YIPF2: variants seen among roughly 807,000 people sequenced by gnomAD.
YIPF2 encodes the protein protein YIPF2.
A neutral mutation model predicts 38.8 loss-of-function variants in YIPF2; 30 were observed. That is an observed-to-expected ratio of 0.77 (90% CI 0.58 to 1.05). The LOEUF is 1.05. Ranked by LOEUF, YIPF2 falls within the 50% of genes least tolerant of loss-of-function variation. The probability of loss-of-function intolerance (pLI) is 0.00; values close to 1 mark genes in which losing one functional copy is unlikely to be tolerated. For synonymous variants in YIPF2, 194 were observed against 183.8 expected (o/e 1.06, Z -0.45); for missense variants, 401 against 409.7 (o/e 0.98, Z 0.18).
At chr19:10,926,376 A>G (rs1599725909) in intron 4 of YIPF2, among the ~76,000 whole-genome samples, 1 of 150,808 alleles carries the variant, frequency 6.6e-6, no homozygotes, top group African/African-American at 2.4e-5. Context: ...ACAGGCGCCC[A>G]CCACCACCCC....
At chr19:10,927,604 C>T in intron 4 of YIPF2, 26 bp downstream of exon 4, 3 of 1,611,614 alleles carry the variant, frequency 1.9e-6, no homozygotes, top group Non-Finnish European at 2.5e-6. Context: ...CTCTGAGCCC[C>T]ATCCCACCTG....
chr19:10,928,489 G>A, intron 1 of YIPF2, 22 bp downstream of exon 1: 1 of 1,346,640 alleles, frequency 7.4e-7, no homozygotes. Flanking sequence ...CCCCGAGCCG[G>A]TCCCTCGGCC....
rs569010084 is a variant in YIPF2, at chr19:10,923,032, A to G, written c.*162T>C. The G allele has an allele frequency of 1.2e-4, 49 of 394,324 alleles. No individual in the cohort carries two copies. Among genetic ancestry groups the G allele is most frequent in the Admixed American group, 4.7e-4 (10 of 21,264 alleles). The allele number at this position is 394,324 out of a possible 1,614,324, so 24.4% of individuals were successfully genotyped here. A position where few individuals can be genotyped will look rare whatever the true frequency, so the allele number is the denominator to read the frequency against. On this transcript the variant is annotated 3_prime_UTR_variant, in exon 10 of 10. Coordinates refer to ENST00000586748, the MANE Select transcript of YIPF2 (RefSeq NM_001321439.2). Reference sequence around the variant, plus strand: ...GCCCGCCTTTATATAAATTCTCTGAATCACCTTTGCATAGAAAATAAAAGT... The same window carrying G: ...GCCCGCCTTTATATAAATTCTCTGAGTCACCTTTGCATAGAAAATAAAAGT...
In YIPF2 at chr19:10,928,606, T is replaced by G. The variant is rs2083464142; in HGVS notation, c.-126A>C. ...TCACCTGAGGCCACCTGGGCCGGCG[T>G]GGCTGGGGCTCTCTGCGCCTGCGCG... is the stretch of plus-strand genomic sequence containing the variant. On this transcript the variant is annotated 5_prime_UTR_variant, in exon 1 of 10. Coordinates refer to ENST00000586748, the MANE Select transcript of YIPF2 (RefSeq NM_001321439.2). The G allele has an allele frequency of 2.2e-6, 2 of 897,320 alleles. No homozygotes were observed. Among genetic ancestry groups the G allele is most frequent in the African/African-American group, 1.8e-5 (1 of 55,940 alleles). 55.6% of individuals were successfully genotyped at this position (897,320 alleles called of 1,614,324 possible).
rs769595485 is a variant in YIPF2 at position 10,924,059 on chromosome 19, C to A, written c.484+17G>T. On this transcript the variant is annotated intron_variant, in intron 6 of 9. Coordinates refer to ENST00000586748, the MANE Select transcript of YIPF2 (RefSeq NM_001321439.2). ...CCCCAGGGCCCTGCCAGGCATTGGG[C>A]CTGCCCGTCTGCTTACCCTTGTGGA... is the stretch of plus-strand genomic sequence containing the variant. 9.3e-6 allele frequency: 15 copies of A among 1,613,128 alleles called. No homozygotes were observed. Among genetic ancestry groups the A allele is most frequent in the Non-Finnish European group, 1.2e-5 (14 of 1,179,594 alleles).
At chr19:10,923,793 CCA>C (rs1295415262) in intron 7 of YIPF2, 38 bp downstream of exon 7, 1 of 1,599,050 alleles carries the variant, frequency 6.3e-7, no homozygotes, top group South Asian at 1.1e-5. Context: ...GCCAGTGTCC[CCA>C]CACAGCCACC....
At chr19:10,927,120 A>T (rs1023638595) in intron 4 of YIPF2, among the ~76,000 whole-genome samples, 1 of 151,930 alleles carries the variant, frequency 6.6e-6, no homozygotes, top group Non-Finnish European at 1.5e-5. Flanking sequence ...TGATCCACCC[A>T]CCCAGGCCTC....
chr19:10,923,282 C>T lies in YIPF2; in HGVS notation c.*9G>A, dbSNP rs376581863. ...GGGAATAGTCCTTACCTGTGGGACC[C>T]GGGCCTTCCTAGGAGGGGGCCAGGG... On this transcript the variant is annotated 3_prime_UTR_variant, in exon 9 of 10. Transcript: ENST00000586748. 106 of 1,604,672 alleles carry T rather than the reference C, an allele frequency of 6.6e-5. 1 individual carries two copies. In the Middle Eastern group the frequency reaches 6.7e-4, roughly 10 times the overall value.
chr19:10,924,177 C>T lies in YIPF2; in HGVS notation c.383G>A (p.Cys128Tyr), dbSNP rs775072304. The change falls in exon 6 of 10, where the codon TGT (cysteine) becomes TAT (tyrosine). Residue 128 changes from cysteine to tyrosine, a missense_variant. Coordinates refer to ENST00000586748, the MANE Select transcript of YIPF2 (RefSeq NM_001321439.2). ...RPDLYGPFWI[C>Y]ATLAFVLAVT... ...GGCCAGGACAAAGGCCAACGTGGCA[C>T]AGATCCAGAAGGGGCCTGGGGGTAG... 18 of 1,612,176 alleles carry T rather than the reference C, an allele frequency of 1.1e-5. 1 individual carries two copies. The highest frequency in any genetic ancestry group is 2.7e-5 in the African/African-American group (2 of 74,900).
Position 10,923,672 on chromosome 19 carries a change from C to T in YIPF2, c.657G>A (p.Leu219=), listed in dbSNP as rs1177673637. 2 of 1,607,638 alleles carry T rather than the reference C, an allele frequency of 1.2e-6. No individual in the cohort carries two copies. Among genetic ancestry groups the T allele is most frequent in the Admixed American group, 1.7e-5 (1 of 59,610 alleles). ...GCAGCCAAGGCACAGGGATGAGCCA[C>T]AGGACCTGGGAGCAACACGGCGGCA... is the stretch of plus-strand genomic sequence containing the variant. The part of the protein sequence containing the change: ...SLFVFIPMVV[L]WLIPVPWLQW... Residue 219 remains leucine, a synonymous_variant, in exon 8 of 10, where the codon CTG becomes CTA. Transcript: ENST00000586748.
At position 10,923,307 on chromosome 19, in the gene YIPF2, G is replaced by A. The variant is rs1183698859; in HGVS notation, c.935C>T (p.Ser312Phe). The change falls in exon 9 of 10, where the codon TCC (serine) becomes TTC (phenylalanine). Residue 312 changes from serine to phenylalanine, a missense_variant. Ser to Phe is a radical substitution (Grantham distance 155). Coordinates refer to ENST00000586748, the MANE Select transcript of YIPF2 (RefSeq NM_001321439.2). ...CGGGCCTTCCTAGGAGGGGGCCAGG[G>A]ACTGCGGCAAGGTAGGGGACAGCGC... ...NIALSPTLPQ[S>F]LAPS The A allele has an allele frequency of 6.2e-7, 1 of 1,611,576 alleles. No individual in the cohort carries two copies. The highest frequency in any genetic ancestry group is 8.5e-7 in the Non-Finnish European group (1 of 1,179,004).
intron 5 of YIPF2, 137 bp downstream of exon 5, chr19:10,925,549 G>A (rs1462851503): frequency 9.6e-7 from 1 of 1,040,248 alleles, no homozygotes; most frequent in Non-Finnish European, 1.4e-6. Context: ...AGTCCTTCAT[G>A]TCTCTGTCTC....
intron 3 of YIPF2, 40 bp from the exon 4 acceptor site, chr19:10,927,756 G>A: frequency 6.2e-7 from 1 of 1,610,738 alleles, no homozygotes; most frequent in Non-Finnish European, 8.5e-7. Flanking sequence ...CGGAGAGCCT[G>A]GGTCAGCTGG....
In YIPF2 at chr19:10,927,666, G is replaced by C; in HGVS notation, c.243C>G (p.Ser81Arg). 5.6e-6 allele frequency: 9 copies of C among 1,613,884 alleles called. No homozygotes were observed. Among genetic ancestry groups the C allele is most frequent in the South Asian group, 3.3e-5 (3 of 91,088 alleles). Residue 81 changes from serine to arginine, a missense_variant, in exon 4 of 10, where the codon AGC becomes AGG. Ser to Arg is a moderately radical substitution (Grantham distance 110). Transcript: ENST00000586748. ...CCACGTCAAAGAAGCTCTGATAGTA[G>C]CTGAAGGTCCAGAATCCCGGCTGCT... ...QQQQPGFWTFSYYQSFFDVDT... is the reference protein window; with the variant it reads ...QQQQPGFWTFRYYQSFFDVDT...
intron 5 of YIPF2, among the ~76,000 whole-genome samples, chr19:10,924,621 G>A (rs926919798): frequency 2.0e-5 from 3 of 152,108 alleles, no homozygotes; most frequent in African/African-American, 7.2e-5. Flanking sequence ...AAGCTCCCGG[G>A]TGGGCATCTC....
At position 10,923,266 on chromosome 19, in the gene YIPF2, C is replaced by G. The variant is rs762877735; in HGVS notation, c.*19+6G>C. The G allele has an allele frequency of 3.4e-5, 54 of 1,597,908 alleles. No homozygotes were observed. In the East Asian group the frequency reaches 1.2e-3, roughly 35 times the overall value. On this transcript the variant is annotated splice_donor_region_variant and intron_variant, in intron 9 of 9. Coordinates refer to ENST00000586748, the MANE Select transcript of YIPF2 (RefSeq NM_001321439.2). ...CCCCCTTAGCCCAGCTGGGAATAGT[C>G]CTTACCTGTGGGACCCGGGCCTTCC...
At chr19:10,924,284 C>T in intron 5 of YIPF2, 92 bp from the exon 6 acceptor site, 1 of 1,219,952 alleles carries the variant, frequency 8.2e-7, no homozygotes, top group Non-Finnish European at 1.1e-6. Flanking sequence ...AGACCCCAGC[C>T]TCTTCCTAAG....
rs1027380347 is a variant in YIPF2, at chr19:10,927,936, G to C, written c.55C>G (p.Leu19Val). 1 of 1,609,204 alleles carries C rather than the reference G, an allele frequency of 6.2e-7. No individual in the cohort carries two copies. Among genetic ancestry groups the C allele is most frequent in the Non-Finnish European group, 8.5e-7 (1 of 1,176,234 alleles). ...GTGGCTGCATCTGGGGTGTCAGCCA[G>C]AAGATTAGTGGCCTCCTCGAATTCT... The part of the protein sequence containing the change: ...FHEFEEATNL[L>V]ADTPDAATTS... Residue 19 changes from leucine (L) to valine (V), a missense_variant, in exon 3 of 10, where the codon CTG becomes GTG. Coordinates refer to ENST00000586748, the MANE Select transcript of YIPF2 (RefSeq NM_001321439.2).
At position 10,923,854 on chromosome 19, in the gene YIPF2, G is replaced by GAC; in HGVS notation, c.629_630insGT (p.Phe211SerfsTer141). ...TCACCACCATGGGGATGAAGACAAA[G>GAC]AGGGAGTAGCCGTAGATGCACACAG... On this transcript the variant is annotated frameshift_variant, in exon 7 of 10. Transcript: ENST00000586748. LOFTEE classifies it high-confidence loss of function. 1 of 1,613,042 alleles carries GAC rather than the reference G, an allele frequency of 6.2e-7. No homozygotes were observed. Among genetic ancestry groups the GAC allele is most frequent in the Non-Finnish European group, 8.5e-7 (1 of 1,179,558 alleles).
Sources: gnomAD v4.1 joint callset for allele counts (sites outside exome capture counted in the v4.1 genomes callset) on GRCh38, gnomAD v4.1.1 for gene constraint, MANE v1.5 for transcripts, NCBI Gene and HGNC (gene_info 2026-07-23, HGNC 2026-07-21) for gene names.